Variants in DNAAF11 observed in about 807,000 individuals in gnomAD.
DNAAF11 encodes leucine rich repeat containing 6.
Under a neutral mutation model 60.8 loss-of-function variants are expected in DNAAF11, and 45 were observed. The observed-to-expected ratio is 0.74, with a 90% CI of 0.58 to 0.95. DNAAF11 has a LOEUF of 0.95. Among genes scored for constraint, DNAAF11 ranks in the 40% least tolerant of loss-of-function variants. The pLI is 0.00. For synonymous variants in DNAAF11, 191 were observed against 183.5 expected, an observed-to-expected ratio of 1.04 and a Z score of -0.33; for missense variants, 546 against 546.2, an observed-to-expected ratio of 1.00 and a Z score of 0.00.
chr8:132,700,247 T>C, the DNAAF11 span, among the ~76,000 whole-genome samples: 941 of 152,158 alleles, frequency 6.2e-3, 15 homozygotes, highest in African/African-American at 0.022. Flanking sequence ...GGCAGTGAGG[T>C]TCCTCAGAGA....
At chr8:132,665,267 C>T (rs1467807285) in intron 1 of DNAAF11, among the ~76,000 whole-genome samples, 1 of 152,068 alleles carries the variant, frequency 6.6e-6, no homozygotes, top group African/African-American at 2.4e-5. Flanking sequence ...GTAAAGATAT[C>T]TTCATGGTGC....
intron 11 of DNAAF11, among the ~76,000 whole-genome samples, chr8:132,580,311 G>A (rs867206651): frequency 2.6e-5 from 4 of 152,156 alleles, no homozygotes; most frequent in Non-Finnish European, 4.4e-5. Flanking sequence ...CAAGAGATAA[G>A]GATCAATCGG....
rs1814194733 is a variant in DNAAF11, at chr8:132,571,581, G to C, written c.*725C>G. ...CAGGGAGGAGGAGAGACAGGAGAAA[G>C]GGAGGAGAAGAGAGAGGAGAAAGGG... is the stretch of plus-strand genomic sequence containing the variant. On this transcript the variant is annotated 3_prime_UTR_variant, in exon 12 of 12. Transcript: ENST00000620350. 6.6e-6 allele frequency among the ~76,000 whole-genome samples: 1 copy of C among 152,102 alleles called. No homozygotes were observed. The highest frequency in any genetic ancestry group is 1.9e-4 in the East Asian group (1 of 5,194).
chr8:132,612,204 C>T (rs1818733855), intron 8 of DNAAF11, among the ~76,000 whole-genome samples: 1 of 152,126 alleles, frequency 6.6e-6, no homozygotes, highest in Admixed American at 6.6e-5. Context: ...AATGGGGATA[C>T]TACTAACACG....
chr8:132,689,860 G>A, the DNAAF11 span, among the ~76,000 whole-genome samples: 117 of 152,056 alleles, frequency 7.7e-4, 1 homozygote, highest in Non-Finnish European at 1.4e-3. Context: ...CTATAGGCTC[G>A]CACCATTGCA....
intron 1 of DNAAF11, among the ~76,000 whole-genome samples, chr8:132,666,389 C>A (rs894694487): frequency 1.3e-5 from 2 of 152,044 alleles, no homozygotes; most frequent in Non-Finnish European, 2.9e-5. Flanking sequence ...TGAAACATCA[C>A]TATGTATCCC....
At chr8:132,643,973 T>A (rs927832223) in intron 3 of DNAAF11, among the ~76,000 whole-genome samples, 7 of 152,176 alleles carry the variant, frequency 4.6e-5, no homozygotes, top group Admixed American at 4.6e-4. Flanking sequence ...TTTTATATAT[T>A]CTAGATTTTA....
rs35956157 is a variant in DNAAF11, at chr8:132,632,784, G to A, written c.609C>T (p.Asn203=). Residue 203 remains asparagine, a synonymous_variant, in exon 5 of 12, where the codon AAC becomes AAT. Transcript: ENST00000620350. ...EEDKNEDKRS[N]AGFDGRWYTD... The stretch of plus-strand genomic sequence containing the variant: ...TGTACCAACGTCCATCAAAGCCTGC[G>A]TTACTTCTCTTGTCTTCATTTTTAT... 4,410 of 1,613,786 alleles carry A rather than the reference G, an allele frequency of 2.7e-3. 106 individuals are homozygous for A. In the African/African-American group the frequency reaches 0.051, roughly 19 times the overall value.
Position 132,632,964 on chromosome 8 carries a change from C to A in DNAAF11, c.430-1G>T. 1 of 1,604,256 alleles carries A rather than the reference C, an allele frequency of 6.2e-7. No individual in the cohort carries two copies. Among genetic ancestry groups the A allele is most frequent in the South Asian group, 1.1e-5 (1 of 90,728 alleles). On this transcript the variant is annotated splice_acceptor_variant, in intron 4 of 11. Transcript: ENST00000620350. LOFTEE classifies it high-confidence loss of function. ...GCTCTATTTCTTTACCATCCAACCA[C>A]TTAAAGAAAAACAATAAATATAGTA...
chr8:132,620,719 G>A (rs965943844), intron 7 of DNAAF11, among the ~76,000 whole-genome samples: 2 of 152,252 alleles, frequency 1.3e-5, no homozygotes, highest in African/African-American at 2.4e-5. Flanking sequence ...AAAAATAGGA[G>A]AGTGAATTAT....
intron 3 of DNAAF11, among the ~76,000 whole-genome samples, chr8:132,638,614 T>G (rs1821546322): frequency 6.6e-6 from 1 of 152,070 alleles, no homozygotes; most frequent in African/African-American, 2.4e-5. Flanking sequence ...AACCAATATT[T>G]GCAAAGTCAC....
upstream of DNAAF11, among the ~76,000 whole-genome samples, chr8:132,675,950 A>G (rs1389586667): frequency 6.6e-6 from 1 of 152,084 alleles, no homozygotes; most frequent in Non-Finnish European, 1.5e-5. Context: ...GTGACCTTAC[A>G]CTTCCTTCTC....
upstream of DNAAF11, among the ~76,000 whole-genome samples, chr8:132,678,539 CT>C (rs1467485585): frequency 1.3e-5 from 2 of 152,006 alleles, no homozygotes; most frequent in African/African-American, 4.8e-5. Context: ...ACCATCATGC[CT>C]GGCTAATATT....
chr8:132,659,590 CTTT>C (rs1823928421), intron 2 of DNAAF11, among the ~76,000 whole-genome samples: 1 of 152,078 alleles, frequency 6.6e-6, no homozygotes, highest in African/African-American at 2.4e-5. Flanking sequence ...CTGTAATAGC[CTTT>C]TTAATTGAAC....
intron 5 of DNAAF11, among the ~76,000 whole-genome samples, chr8:132,627,511 T>C (rs1423016533): frequency 6.6e-6 from 1 of 152,204 alleles, no homozygotes; most frequent in African/African-American, 2.4e-5. Context: ...GTAGAGTCAC[T>C]TTTAAGAGCA....
chr8:132,652,726 G>A (rs1164865656), intron 3 of DNAAF11, among the ~76,000 whole-genome samples: 1 of 152,088 alleles, frequency 6.6e-6, no homozygotes, highest in African/African-American at 2.4e-5. Flanking sequence ...TCACTCATAA[G>A]TGGGAATTGA....
rs775033072 is a variant in DNAAF11, at chr8:132,611,335, C to G, written c.1003G>C (p.Asp335His). The part of the protein sequence containing the change: ...RYMDTSLIDV[D>H]VQPTYVRVMI... Reference sequence around the variant, plus strand: ...ACTCGCACGTAAGTTGGTTGCACATCAACATCGATTAAAGAGGTATCCATA... The same window carrying G: ...ACTCGCACGTAAGTTGGTTGCACATGAACATCGATTAAAGAGGTATCCATA... The change falls in exon 9 of 12, where the codon GAT becomes CAT. Residue 335 changes from aspartate (D) to histidine (H), a missense_variant. Transcript: ENST00000620350. The G allele has an allele frequency of 2.5e-6, 4 of 1,611,256 alleles. No individual in the cohort carries two copies. The South Asian group carries it at 4.4e-5, about 18-fold the overall frequency.
At chr8:132,672,542 A>G (rs1825285687) in intron 1 of DNAAF11, among the ~76,000 whole-genome samples, 1 of 152,158 alleles carries the variant, frequency 6.6e-6, no homozygotes, top group Non-Finnish European at 1.5e-5. Flanking sequence ...TATACCACTT[A>G]CTGTGTGGCA....
intron 10 of DNAAF11, among the ~76,000 whole-genome samples, chr8:132,593,053 G>C (rs1431302276): frequency 1.3e-5 from 2 of 151,750 alleles, no homozygotes; most frequent in African/African-American, 4.8e-5. Context: ...AAACACAAAA[G>C]AAAGTGAACA....
Sources: allele counts gnomAD v4.1 joint callset (sites outside exome capture counted in the v4.1 genomes callset), GRCh38; gene constraint gnomAD v4.1.1; transcripts MANE v1.5; gene names NCBI Gene and HGNC (gene_info 2026-07-23, HGNC 2026-07-21).